The following SLIT2 variants were observed in gnomAD, a reference collection of about 807,000 sequenced individuals.
SLIT2 encodes slit guidance ligand 2.
In SLIT2, 41 loss-of-function variants were observed where a neutral mutation model predicts 185.7. The ratio of observed to expected loss-of-function variants is 0.22; its 90% CI spans 0.17 to 0.29. The LOEUF (loss-of-function observed/expected upper bound fraction) is 0.29, where lower values mean the gene tolerates loss of function less well. Ranked by LOEUF, SLIT2 falls within the 10% of genes least tolerant of loss-of-function variation. SLIT2 has a pLI of 1.00. For synonymous variants in SLIT2, 693 were observed against 680.2 expected, an observed-to-expected ratio of 1.02 and a Z score of -0.29; for missense variants, 1,571 against 1,909.0, an observed-to-expected ratio of 0.82 and a Z score of 3.30.
In SLIT2 at chr4:20,511,147, C is replaced by T. The variant is rs747759166; in HGVS notation, c.1058+10C>T. The stretch of plus-strand genomic sequence containing the variant: ...GCTCTCTGAATTCACTGTAAGTATT[C>T]ACTGTGTCACTGAAGGAAAAGAGAA... On this transcript the variant is annotated intron_variant, in intron 11 of 36. Coordinates refer to ENST00000504154, the MANE Select transcript of SLIT2 (RefSeq NM_004787.4). The T allele has an allele frequency of 3.8e-5, 59 of 1,540,328 alleles. No homozygotes were observed. The highest frequency in any genetic ancestry group is 5.1e-5 in the Non-Finnish European group (57 of 1,117,898).
At chr4:20,600,513 C>G (rs1728328484) in intron 33 of SLIT2, among the ~76,000 whole-genome samples, 1 of 149,454 alleles carries the variant, frequency 6.7e-6, no homozygotes, top group Admixed American at 6.7e-5. Flanking sequence ...AGCTCCGCCT[C>G]CTGGGTTCAT....
intron 4 of SLIT2, among the ~76,000 whole-genome samples, chr4:20,439,593 G>A (rs28544425): frequency 0.23 from 35,401 of 152,068 alleles, 4,274 homozygotes; most frequent in Non-Finnish European, 0.27. Context: ...ACCTTGTTTT[G>A]ACTTGATTAC....
rs1217052710 is a variant in SLIT2 at position 20,541,470 on chromosome 4, C to G, written c.1994C>G (p.Pro665Arg). 3.7e-6 allele frequency: 6 copies of G among 1,613,956 alleles called. No homozygotes were observed. The highest frequency in any genetic ancestry group is 5.1e-6 in the Non-Finnish European group (6 of 1,179,920). ...GCTCTTAGAAACCTCTTGGCCAATC[C>G]TTTTAACTGTAACTGCTACCTGGCT... ...SLSTLNLLAN[P>R]FNCNCYLAWL... The change falls in exon 20 of 37, where the codon CCT becomes CGT. Residue 665 changes from proline to arginine, a missense_variant. Coordinates refer to ENST00000504154, the MANE Select transcript of SLIT2 (RefSeq NM_004787.4).
Position 20,546,024 on chromosome 4 carries a change from T to C in SLIT2, c.2277-7T>C. ...GTAAGAAGATAATATTGTTCCATTG[T>C]TTTTAGGTATCTGGATGGAAACCAA... is the stretch of plus-strand genomic sequence containing the variant. On this transcript the variant is annotated splice_polypyrimidine_tract_variant and splice_region_variant and intron_variant, in intron 21 of 36. Transcript: ENST00000504154. The C allele has an allele frequency of 2.7e-6, 4 of 1,504,570 alleles. No individual in the cohort carries two copies. Among genetic ancestry groups the C allele is most frequent in the Non-Finnish European group, 1.8e-6 (2 of 1,088,722 alleles). 93.2% of individuals were successfully genotyped at this position (1,504,570 alleles called of 1,614,324 possible).
chr4:20,353,186 G>A (rs1268870083), intron 4 of SLIT2, among the ~76,000 whole-genome samples: 4 of 152,152 alleles, frequency 2.6e-5, no homozygotes, highest in Non-Finnish European at 4.4e-5. Flanking sequence ...AGCAGATGTG[G>A]AATGACATAT....
At chr4:20,618,655 G>C in intron 36 of SLIT2, 113 bp from the exon 37 acceptor site, 2 of 1,096,762 alleles carry the variant, frequency 1.8e-6, no homozygotes, top group Non-Finnish European at 2.6e-6. Context: ...AATATGTAAA[G>C]CAAGTTACAA....
chr4:20,272,406 C>T (rs1385392829), intron 4 of SLIT2, among the ~76,000 whole-genome samples: 1 of 151,956 alleles, frequency 6.6e-6, no homozygotes. Context: ...TTAAAGAAAT[C>T]TGGAGCTGGT....
At chr4:20,443,292 G>A (rs1207385616) in intron 4 of SLIT2, among the ~76,000 whole-genome samples, 1 of 152,110 alleles carries the variant, frequency 6.6e-6, no homozygotes, top group Non-Finnish European at 1.5e-5. Flanking sequence ...CAAGCAGACT[G>A]GATTTAATTT....
At chr4:20,318,318 A>G (rs1405327539) in intron 4 of SLIT2, among the ~76,000 whole-genome samples, 1 of 152,180 alleles carries the variant, frequency 6.6e-6, no homozygotes, top group Non-Finnish European at 1.5e-5. Context: ...CTAGCTTAAC[A>G]TTAGACTTGG....
intron 29 of SLIT2, among the ~76,000 whole-genome samples, chr4:20,587,167 C>T (rs532979132): frequency 1.1e-4 from 16 of 151,956 alleles, no homozygotes; most frequent in East Asian, 5.8e-4. Context: ...TACAGGCCCC[C>T]GCCACCACAC....
At chr4:20,346,767 A>G (rs1235947410) in intron 4 of SLIT2, among the ~76,000 whole-genome samples, 1 of 152,198 alleles carries the variant, frequency 6.6e-6, no homozygotes, top group Non-Finnish European at 1.5e-5. Context: ...CCACTGGTGT[A>G]GGTACAAGAG....
intron 4 of SLIT2, among the ~76,000 whole-genome samples, chr4:20,303,552 C>G (rs1457571739): frequency 3.3e-5 from 5 of 151,838 alleles, no homozygotes; most frequent in Non-Finnish European, 7.4e-5. Context: ...TCTTTTCCTC[C>G]TTTGTACCAA....
At chr4:20,535,368 G>A (rs1255351571) in intron 18 of SLIT2, among the ~76,000 whole-genome samples, 1 of 151,894 alleles carries the variant, frequency 6.6e-6, no homozygotes. Context: ...ACCACAGGCG[G>A]CTGCATCTAA....
chr4:20,313,990 A>G (rs927896052), intron 4 of SLIT2, among the ~76,000 whole-genome samples: 2 of 152,150 alleles, frequency 1.3e-5, no homozygotes, highest in African/African-American at 4.8e-5. Flanking sequence ...AATATTTTTC[A>G]TCTCTTATGA....
At chr4:20,357,852 C>G (rs1376977375) in intron 4 of SLIT2, among the ~76,000 whole-genome samples, 1 of 151,928 alleles carries the variant, frequency 6.6e-6, no homozygotes, top group Non-Finnish European at 1.5e-5. Flanking sequence ...TTTGCTAGCC[C>G]TTTATTGGTA....
intron 29 of SLIT2, among the ~76,000 whole-genome samples, chr4:20,573,838 A>G (rs1169402381): frequency 1.3e-5 from 2 of 152,156 alleles, no homozygotes; most frequent in Non-Finnish European, 2.9e-5. Context: ...ACTAGGTAGT[A>G]TGTTTAAGCA....
chr4:20,496,358 CATTT>C (rs914660322), intron 9 of SLIT2, among the ~76,000 whole-genome samples: 10 of 152,196 alleles, frequency 6.6e-5, no homozygotes, highest in Non-Finnish European at 1.3e-4. Context: ...AAGAGACTGA[CATTT>C]ATTAAATACT....
At chr4:20,294,778 T>A (rs1560291817) in intron 4 of SLIT2, among the ~76,000 whole-genome samples, 4 of 152,194 alleles carry the variant, frequency 2.6e-5, no homozygotes, top group African/African-American at 9.6e-5. Flanking sequence ...GGAATTCATG[T>A]CTTCTGAGGT....
At chr4:20,379,135 G>T (rs1166000519) in intron 4 of SLIT2, among the ~76,000 whole-genome samples, 1 of 152,086 alleles carries the variant, frequency 6.6e-6, no homozygotes, top group Non-Finnish European at 1.5e-5. Flanking sequence ...CACTAAAAGT[G>T]ATTCCTAATG....
Sources: allele counts gnomAD v4.1 joint callset (sites outside exome capture counted in the v4.1 genomes callset), GRCh38; gene constraint gnomAD v4.1.1; transcripts MANE v1.5; gene names NCBI Gene and HGNC (gene_info 2026-07-23, HGNC 2026-07-21).